The following RP1L1 variants were observed in gnomAD, a reference collection of about 807,000 sequenced individuals.
The protein encoded by RP1L1 is retinitis pigmentosa 1-like 1 protein.
A neutral mutation model predicts 15.7 loss-of-function variants in RP1L1; 27 were observed. The ratio of observed to expected loss-of-function variants is 1.72; its 90% CI spans 1.27 to 2.38. The LOEUF (loss-of-function observed/expected upper bound fraction) is 2.38. Among genes scored for constraint, RP1L1 ranks in the 30% most tolerant of loss-of-function variants. The probability of loss-of-function intolerance (pLI) is 0.00; values close to 1 mark genes in which losing one functional copy is unlikely to be tolerated. For synonymous variants in RP1L1, 1,813 were observed against 1,276.7 expected (o/e 1.42, Z -8.96); for missense variants, 4,798 against 3,075.9 (o/e 1.56, Z -13.24).
rs368201773 is a variant in RP1L1, at chr8:10,613,257, T to C, written c.841A>G (p.Ser281Gly). Residue 281 changes from serine to glycine, a missense_variant, in exon 4 of 4, where the codon AGC (serine) becomes GGC (glycine). Transcript: ENST00000382483. ...GGAGCAGGGCCCACCGGGGGGTTGC[T>C]AGGACCAGGCCTTTCTGGCAGCCGT... ...TPRLPERPGP[S>G]NPPVGPAPGR... is the part of the protein sequence containing the mutation. The C allele has an allele frequency of 1.6e-5, 25 of 1,610,916 alleles. No individual in the cohort carries two copies. Among genetic ancestry groups the C allele is most frequent in the Non-Finnish European group, 2.0e-5 (24 of 1,180,010 alleles).
At chr8:10,644,977 T>C (rs1586001314) in intron 1 of RP1L1, among the ~76,000 whole-genome samples, 1 of 152,232 alleles carries the variant, frequency 6.6e-6, no homozygotes, top group Non-Finnish European at 1.5e-5. Flanking sequence ...AATGACCATT[T>C]ATTTTAACAT....
chr8:10,643,304 C>A (rs1195189630), intron 1 of RP1L1, among the ~76,000 whole-genome samples: 1 of 152,160 alleles, frequency 6.6e-6, no homozygotes, highest in Non-Finnish European at 1.5e-5. Flanking sequence ...CACACTACTG[C>A]ACTACAGCCT....
intron 2 of RP1L1, among the ~76,000 whole-genome samples, chr8:10,620,343 C>T (rs529806871): frequency 2.0e-5 from 3 of 152,224 alleles, no homozygotes; most frequent in Admixed American, 6.5e-5. Context: ...CGGTGGCTCA[C>T]GCCTGTAGTC....
In RP1L1 at chr8:10,607,701, C is replaced by G. The variant is rs1300282673; in HGVS notation, c.6397G>C (p.Glu2133Gln). 5.6e-6 allele frequency: 9 copies of G among 1,608,618 alleles called. No homozygotes were observed. Among genetic ancestry groups the G allele is most frequent in the Non-Finnish European group, 7.6e-6 (9 of 1,177,462 alleles). The change falls in exon 4 of 4, where the codon GAG becomes CAG. Residue 2133 changes from glutamate to glutamine, a missense_variant. Coordinates refer to ENST00000382483, the MANE Select transcript of RP1L1 (RefSeq NM_178857.6). ...GCCTCCCCTTCAGCCTCTGGGGCCT[C>G]TATACCTTCTGACTCTGGCTGGGCC... ...GEAQPESEGIEAPEAEGEAQP... is the reference protein window; with the variant it reads ...GEAQPESEGIQAPEAEGEAQP...
intron 2 of RP1L1, among the ~76,000 whole-genome samples, chr8:10,617,838 G>A (rs979887224): frequency 3.3e-5 from 5 of 152,168 alleles, no homozygotes; most frequent in Non-Finnish European, 7.3e-5. Context: ...TTACAGGCGT[G>A]AGCCACTGCA....
In RP1L1 at chr8:10,610,942, G is replaced by T; in HGVS notation, c.3156C>A (p.Ser1052=). 2 of 1,611,634 alleles carry T rather than the reference G, an allele frequency of 1.2e-6. No individual in the cohort carries two copies. Among genetic ancestry groups the T allele is most frequent in the Non-Finnish European group, 8.5e-7 (1 of 1,179,562 alleles). ...CTGCTCCGGCCTCTGCAGGGGCCTC[G>T]GAAACTCCCTCTGGAGCTGCCCCTT... ...VPQGAAPEGV[S]EAPAEAGADR... is the part of the protein sequence containing the mutation. Residue 1052 remains serine, a synonymous_variant, in exon 4 of 4, where the codon TCC becomes TCA. Transcript: ENST00000382483.
At chr8:10,614,423 G>T (rs1453526922) in intron 3 of RP1L1, among the ~76,000 whole-genome samples, 2 of 152,142 alleles carry the variant, frequency 1.3e-5, no homozygotes, top group Non-Finnish European at 2.9e-5. Context: ...ACTTTGGGAG[G>T]CCGAGGCAGG....
rs777640771 is a variant in RP1L1 at position 10,609,112 on chromosome 8, G to T, written c.4986C>A (p.Cys1662Ter). The change falls in exon 4 of 4, where the codon TGC becomes TGA. Residue 1662 changes from cysteine to a stop codon, truncating the protein, a stop_gained. Transcript: ENST00000382483. LOFTEE classifies it low-confidence loss of function (END_TRUNC). Reference sequence around the variant, plus strand: ...ACATAGGGCTCACTTTCTTCCTCACGCAGGCCTCGCAGGGACAGAACTCCT... The same window carrying T: ...ACATAGGGCTCACTTTCTTCCTCACTCAGGCCTCGCAGGGACAGAACTCCT... ...EGEEFCPCEA[C>*]VRKKVSPMSP... 3 of 1,613,292 alleles carry T rather than the reference G, an allele frequency of 1.9e-6. No individual in the cohort carries two copies. The highest frequency in any genetic ancestry group is 2.2e-5 in the South Asian group (2 of 91,048).
intron 1 of RP1L1, among the ~76,000 whole-genome samples, chr8:10,633,938 A>G (rs1360255775): frequency 6.6e-6 from 1 of 152,180 alleles, no homozygotes; most frequent in Non-Finnish European, 1.5e-5. Flanking sequence ...CCCAGGCTTC[A>G]GGACTGCTGA....
At chr8:10,624,405 T>C (rs1798124473) in intron 1 of RP1L1, among the ~76,000 whole-genome samples, 1 of 152,176 alleles carries the variant, frequency 6.6e-6, no homozygotes, top group Non-Finnish European at 1.5e-5. Context: ...CACCACAATA[T>C]ACACTGGGTG....
chr8:10,625,802 C>T (rs757294659), intron 1 of RP1L1, among the ~76,000 whole-genome samples: 2 of 152,028 alleles, frequency 1.3e-5, no homozygotes, highest in Non-Finnish European at 1.5e-5. Context: ...GCACAGAGAC[C>T]GAGGGATCCA....
chr8:10,622,955 T>C lies in RP1L1; in HGVS notation c.247A>G (p.Thr83Ala). The C allele has an allele frequency of 6.2e-7, 1 of 1,613,918 alleles. No individual in the cohort carries two copies. The highest frequency in any genetic ancestry group is 8.5e-7 in the Non-Finnish European group (1 of 1,179,976). ...CTGAGGCTATGCAGGCCCCGGGGTG[T>C]GGTGACAGAGCGCACCCCAAAGGAG... ...PLSFGVRSVT[T>A]PRGLHSLSAL... The change falls in exon 2 of 4, where the codon ACA (threonine) becomes GCA (alanine). Residue 83 changes from threonine (T) to alanine (A), a missense_variant. Transcript: ENST00000382483.
In RP1L1 at chr8:10,612,359, C is replaced by A. The variant is rs1258862126; in HGVS notation, c.1739G>T (p.Ser580Ile). 6.2e-7 allele frequency: 1 copy of A among 1,613,128 alleles called. No homozygotes were observed. The highest frequency in any genetic ancestry group is 1.7e-5 in the Admixed American group (1 of 60,034). ...GTCGTCACTCCTTAAAGATGAAAGA[C>A]TCAGGGCTGGAGAAGCGGGGTCGCC... Reference protein sequence around the residue: ...EGGDPASPALSLSSLRSDDLQ... With the variant: ...EGGDPASPALILSSLRSDDLQ... The change falls in exon 4 of 4, where the codon AGT becomes ATT. Residue 580 changes from serine to isoleucine, a missense_variant. By Grantham distance (142) the Ser-to-Ile change is moderately radical. Coordinates refer to ENST00000382483, the MANE Select transcript of RP1L1 (RefSeq NM_178857.6).
At position 10,612,673 on chromosome 8, in the gene RP1L1, G is replaced by T. The variant is rs1316035194; in HGVS notation, c.1425C>A (p.Thr475=). 2 of 1,601,860 alleles carry T rather than the reference G, an allele frequency of 1.2e-6. No homozygotes were observed. Among genetic ancestry groups the T allele is most frequent in the Non-Finnish European group, 8.5e-7 (1 of 1,177,770 alleles). The change falls in exon 4 of 4, where the codon ACC becomes ACA. Residue 475 remains threonine (T), a synonymous_variant. Coordinates refer to ENST00000382483, the MANE Select transcript of RP1L1 (RefSeq NM_178857.6). The part of the protein sequence containing the change: ...SEPESSCCPR[T]PEDGVDSASP... ...TGGCACTGTCCACCCCGTCCTCCGG[G>T]GTCCTGGGGCAGCAGGAGGACTCTG...
At position 10,613,135 on chromosome 8, in the gene RP1L1, C is replaced by A. The variant is rs368782568; in HGVS notation, c.963G>T (p.Leu321=). The change falls in exon 4 of 4, where the codon CTG becomes CTT. Residue 321 remains leucine (L), a synonymous_variant. Coordinates refer to ENST00000382483, the MANE Select transcript of RP1L1 (RefSeq NM_178857.6). ...GGAAGCGGACTTTCATCTCCACGGA[C>A]AGGCTGCCGTCCTCATTCATGCGGA... ...KKVRMNEDGS[L]SVEMKVRFHL... The A allele has an allele frequency of 6.2e-7, 1 of 1,613,928 alleles. No individual in the cohort carries two copies. The highest frequency in any genetic ancestry group is 8.5e-7 in the Non-Finnish European group (1 of 1,180,030).
intron 2 of RP1L1, 119 bp downstream of exon 2, chr8:10,622,474 A>C: frequency 7.6e-7 from 1 of 1,312,508 alleles, no homozygotes; most frequent in Non-Finnish European, 1.1e-6. Flanking sequence ...TTCACCTTTA[A>C]TTAGCAGCAG....
At chr8:10,653,515 T>G (rs893153853) in intron 1 of RP1L1, among the ~76,000 whole-genome samples, 21 of 146,476 alleles carry the variant, frequency 1.4e-4, no homozygotes, top group African/African-American at 5.1e-4. Context: ...AACTAACACA[T>G]GCATCACATG....
Position 10,609,318 on chromosome 8 carries a change from C to A in RP1L1, c.4780G>T (p.Ala1594Ser), listed in dbSNP as rs772001145. 1 of 1,611,712 alleles carries A rather than the reference C, an allele frequency of 6.2e-7. No individual in the cohort carries two copies. The highest frequency in any genetic ancestry group is 8.5e-7 in the Non-Finnish European group (1 of 1,179,740). ...GRMVLEPPREALTGELLLQTQ... is the reference protein window; with the variant it reads ...GRMVLEPPRESLTGELLLQTQ... The stretch of plus-strand genomic sequence containing the variant: ...TGCAGGAGCAGCTCCCCGGTGAGGG[C>A]CTCCCTTGGAGGCTCCAGCACCATC... Residue 1594 changes from alanine to serine, a missense_variant, in exon 4 of 4, where the codon GCC becomes TCC. Transcript: ENST00000382483.
rs549290416 is a variant in RP1L1 at position 10,626,450 on chromosome 8, G to C, written c.-19-3230C>G. Reference sequence around the variant, plus strand: ...ACACGTGGGGCATGCAGCCCCCGGAGAGAACAAGAGCTGCAGGCATGCAGC... The same window carrying C: ...ACACGTGGGGCATGCAGCCCCCGGACAGAACAAGAGCTGCAGGCATGCAGC... On this transcript the variant is annotated intron_variant, in intron 1 of 3. Coordinates refer to ENST00000382483, the MANE Select transcript of RP1L1 (RefSeq NM_178857.6). Among the ~76,000 whole-genome samples the C allele has an allele frequency of 2.7e-3, 404 of 152,262 alleles. 1 individual carries two copies. Among genetic ancestry groups the C allele is most frequent in the South Asian group, 6.8e-3 (33 of 4,828 alleles).
Sources: allele counts gnomAD v4.1 joint callset (sites outside exome capture counted in the v4.1 genomes callset), GRCh38; gene constraint gnomAD v4.1.1; transcripts MANE v1.5; gene names NCBI Gene and HGNC (gene_info 2026-07-23, HGNC 2026-07-21).